BDH2: variants seen among roughly 807,000 people sequenced by gnomAD.
BDH2 encodes dehydrogenase/reductase SDR family member 6.
In BDH2, 24 loss-of-function variants were observed where a neutral mutation model predicts 33.2. The observed-to-expected ratio is 0.72, with a 90% CI of 0.52 to 1.02. The LOEUF is 1.02. BDH2 is among the 50% of genes least tolerant of loss of function. The probability of loss-of-function intolerance (pLI) is 0.00; values close to 1 mark genes in which losing one functional copy is unlikely to be tolerated. For missense variants in BDH2, 249 were observed against 301.6 expected, an observed-to-expected ratio of 0.83 and a Z score of 1.29; for synonymous variants, 81 against 101.6, an observed-to-expected ratio of 0.80 and a Z score of 1.22.
intron 5 of BDH2, among the ~76,000 whole-genome samples, chr4:103,090,395 C>T (rs1298572321): frequency 6.6e-6 from 1 of 152,178 alleles, no homozygotes; most frequent in Non-Finnish European, 1.5e-5. Context: ...CTGTCTTGAG[C>T]ACACACTGTC....
Position 103,086,471 on chromosome 4 carries a change from C to T in BDH2, c.418+9G>A, listed in dbSNP as rs755024002. 1.2e-5 allele frequency: 20 copies of T among 1,611,960 alleles called. No homozygotes were observed. The highest frequency in any genetic ancestry group is 1.5e-5 in the Non-Finnish European group (18 of 1,179,380). On this transcript the variant is annotated intron_variant, in intron 6 of 9. Transcript: ENST00000296424. Reference sequence around the variant, plus strand: ...GAGCATCGCAGTCCTCGGAAGGAGACAGACCCACCTTTGACGCTGGAAGCC... The same window carrying T: ...GAGCATCGCAGTCCTCGGAAGGAGATAGACCCACCTTTGACGCTGGAAGCC...
intron 4 of BDH2, chr4:103,091,533 C>T (rs1748090109): frequency 4.9e-6 from 2 of 404,254 alleles, no homozygotes; most frequent in East Asian, 1.1e-4. Flanking sequence ...ACATAAGAAG[C>T]TTTATATTAA....
At position 103,079,585 on chromosome 4, in the gene BDH2, C is replaced by T; in HGVS notation, c.*117G>A. 4 of 974,844 alleles carry T rather than the reference C, an allele frequency of 4.1e-6. No individual in the cohort carries two copies. The South Asian group carries it at 5.8e-5, about 14-fold the overall frequency. 60.4% of individuals were successfully genotyped at this position (974,844 alleles called of 1,614,324 possible). On this transcript the variant is annotated 3_prime_UTR_variant, in exon 10 of 10. Coordinates refer to ENST00000296424, the MANE Select transcript of BDH2 (RefSeq NM_020139.4). Reference sequence around the variant, plus strand: ...CAAACAGTGACATCATTAAAAAGAGCTTATTTTCATTAACATGTGATTAAC... The same window carrying T: ...CAAACAGTGACATCATTAAAAAGAGTTTATTTTCATTAACATGTGATTAAC...
intron 5 of BDH2, among the ~76,000 whole-genome samples, chr4:103,087,012 G>C: frequency 6.6e-6 from 1 of 152,102 alleles, no homozygotes; most frequent in East Asian, 1.9e-4. Context: ...AGCCACAGCA[G>C]AGACCTCCAC....
chr4:103,092,340 T>C (rs1215403959), intron 4 of BDH2: 7 of 439,604 alleles, frequency 1.6e-5, no homozygotes, highest in Admixed American at 7.9e-5. Context: ...CTTCCATACA[T>C]TGTAACACAT....
rs757535022 is a variant in BDH2, at chr4:103,085,397, C to T, written c.484G>A (p.Ala162Thr). Residue 162 changes from alanine to threonine, a missense_variant, in exon 7 of 10, where the codon GCT becomes ACT. By Grantham distance (58) the Ala-to-Thr change is moderately conservative. Transcript: ENST00000296424. ...ATGCCCTGCTGGATGAAATCTGCAG[C>T]CACAGATTTTGTGAGGCCAATCACG... ...AAVIGLTKSV[A>T]ADFIQQGIRC... 31 of 1,612,318 alleles carry T rather than the reference C, an allele frequency of 1.9e-5. No homozygotes were observed. The South Asian group carries it at 3.3e-4, about 17-fold the overall frequency.
intron 7 of BDH2, among the ~76,000 whole-genome samples, chr4:103,083,522 TTAATC>T (rs1747621574): frequency 6.6e-6 from 1 of 152,166 alleles, no homozygotes; most frequent in African/African-American, 2.4e-5. Context: ...AAAATATAAT[TTAATC>T]TAATTTAAAG....
chr4:103,091,411 CA>C (rs1454620106), intron 4 of BDH2, 126 bp from the exon 5 acceptor site: 7 of 614,858 alleles, frequency 1.1e-5, no homozygotes, highest in Non-Finnish European at 2.1e-5. Context: ...AGACTTTAAA[CA>C]ATTCATAGTA....
Position 103,085,376 on chromosome 4 carries a change from C to T in BDH2, c.505G>A (p.Gly169Ser). ...KSVAADFIQQ[G>S]IRCNCVCPGT... Reference sequence around the variant, plus strand: ...GGGCACACACAGTTGCACCTGATGCCCTGCTGGATGAAATCTGCAGCCACA... The same window carrying T: ...GGGCACACACAGTTGCACCTGATGCTCTGCTGGATGAAATCTGCAGCCACA... Residue 169 changes from glycine (G) to serine (S), a missense_variant, in exon 7 of 10, where the codon GGC becomes AGC. Gly to Ser is a moderately conservative substitution (Grantham distance 56). Coordinates refer to ENST00000296424, the MANE Select transcript of BDH2 (RefSeq NM_020139.4). 6.2e-7 allele frequency: 1 copy of T among 1,611,440 alleles called. No individual in the cohort carries two copies. The highest frequency in any genetic ancestry group is 8.5e-7 in the Non-Finnish European group (1 of 1,179,512).
In BDH2 at chr4:103,086,484, G is replaced by A; in HGVS notation, c.414C>T (p.Val138=). Residue 138 remains valine, a synonymous_variant, in exon 6 of 10, where the codon GTC becomes GTT. Coordinates refer to ENST00000296424, the MANE Select transcript of BDH2 (RefSeq NM_020139.4). The part of the protein sequence containing the change: ...IINMSSVASS[V]KGVVNRCVYS... Reference sequence around the variant, plus strand: ...CTCGGAAGGAGACAGACCCACCTTTGACGCTGGAAGCCACAGAAGACATGT... The same window carrying A: ...CTCGGAAGGAGACAGACCCACCTTTAACGCTGGAAGCCACAGAAGACATGT... 1 of 1,612,546 alleles carries A rather than the reference G, an allele frequency of 6.2e-7. No homozygotes were observed. The highest frequency in any genetic ancestry group is 8.5e-7 in the Non-Finnish European group (1 of 1,179,608).
chr4:103,085,649 A>C, intron 6 of BDH2, 187 bp from the exon 7 acceptor site: 1 of 1,500,348 alleles, frequency 6.7e-7, no homozygotes, highest in Non-Finnish European at 8.9e-7. Context: ...GGGAAATAAT[A>C]TCAGTATAGG....
intron 4 of BDH2, chr4:103,092,324 A>AT: frequency 2.8e-6 from 1 of 357,150 alleles, no homozygotes. Context: ...TATTGCTTTA[A>AT]TTTAACTTCC....
chr4:103,084,602 G>T (rs1025306636), intron 7 of BDH2, among the ~76,000 whole-genome samples: 1 of 152,068 alleles, frequency 6.6e-6, no homozygotes, highest in Non-Finnish European at 1.5e-5. Context: ...CTCAAGTATC[G>T]CCAGGATGTA....
intron 5 of BDH2, among the ~76,000 whole-genome samples, chr4:103,090,772 G>T (rs1488126259): frequency 6.6e-6 from 1 of 152,084 alleles, no homozygotes; most frequent in African/African-American, 2.4e-5. Context: ...TTTCACCTTT[G>T]CGGTGGAGTC....
At chr4:103,085,760 A>G (rs937207991) in intron 6 of BDH2, 3 of 1,346,186 alleles carry the variant, frequency 2.2e-6, no homozygotes, top group Non-Finnish European at 2.9e-6. Flanking sequence ...AGATTCCAAA[A>G]GAAAATGAAG....
chr4:103,087,204 C>T (rs1157164063), intron 5 of BDH2, among the ~76,000 whole-genome samples: 1 of 152,102 alleles, frequency 6.6e-6, no homozygotes, highest in Non-Finnish European at 1.5e-5. Flanking sequence ...CCATCGGGAA[C>T]TGGGAGGAGG....
Position 103,079,038 on chromosome 4 carries a change from T to G in BDH2, c.*664A>C, listed in dbSNP as rs1747385602. 6.6e-6 allele frequency among the ~76,000 whole-genome samples: 1 copy of G among 152,204 alleles called. No individual in the cohort carries two copies. The highest frequency in any genetic ancestry group is 1.5e-5 in the Non-Finnish European group (1 of 68,030). ...CCCCACAAAAAAACAAAAACTTCCT[T>G]TTTTCTTCATATTTACATTTTAATT... On this transcript the variant is annotated 3_prime_UTR_variant, in exon 10 of 10. Coordinates refer to ENST00000296424, the MANE Select transcript of BDH2 (RefSeq NM_020139.4).
intron 6 of BDH2, chr4:103,085,971 T>C: frequency 2.6e-6 from 3 of 1,164,814 alleles, no homozygotes; most frequent in Non-Finnish European, 3.2e-6. Flanking sequence ...GTCCTTCAAC[T>C]TGACTTCTTG....
chr4:103,096,258 G>A lies in BDH2; in HGVS notation c.-4C>T. 6.2e-7 allele frequency: 1 copy of A among 1,612,982 alleles called. No individual in the cohort carries two copies. The highest frequency in any genetic ancestry group is 8.5e-7 in the Non-Finnish European group (1 of 1,179,094). The stretch of plus-strand genomic sequence containing the variant: ...CTTTCCCATCAAGTCGACCCATAAT[G>A]GAACCTGTGGTTTAATCTAAAGACA... On this transcript the variant is annotated 5_prime_UTR_variant, in exon 2 of 10. Coordinates refer to ENST00000296424, the MANE Select transcript of BDH2 (RefSeq NM_020139.4).
Sources: gnomAD v4.1 joint callset for allele counts (sites outside exome capture counted in the v4.1 genomes callset) on GRCh38, gnomAD v4.1.1 for gene constraint, MANE v1.5 for transcripts, NCBI Gene and HGNC (gene_info 2026-07-23, HGNC 2026-07-21) for gene names.